PDLIM5: variants seen among roughly 807,000 people sequenced by gnomAD.
The protein encoded by PDLIM5 is PDZ and LIM domain 5.
Under a neutral mutation model 64.2 loss-of-function variants are expected in PDLIM5, and 34 were observed. The observed-to-expected ratio is 0.53, with a 90% CI of 0.40 to 0.71. The LOEUF (loss-of-function observed/expected upper bound fraction) is 0.71. PDLIM5 is among the 30% of genes least tolerant of loss of function. The probability of loss-of-function intolerance (pLI) is 0.00; values close to 1 mark genes in which losing one functional copy is unlikely to be tolerated. For synonymous variants in PDLIM5, 253 were observed against 269.1 expected, an observed-to-expected ratio of 0.94 and a Z score of 0.59; for missense variants, 683 against 733.6, an observed-to-expected ratio of 0.93 and a Z score of 0.80.
chr4:94,518,942 CCAA>C (rs1301896810), intron 2 of PDLIM5, among the ~76,000 whole-genome samples: 1 of 152,128 alleles, frequency 6.6e-6, no homozygotes, highest in African/African-American at 2.4e-5. Context: ...GGCTTCTTCA[CCAA>C]CATCGCTTTA....
chr4:94,657,707 AT>A (rs796503851), intron 11 of PDLIM5, among the ~76,000 whole-genome samples, 160 bp downstream of exon 11: 48 of 149,034 alleles, frequency 3.2e-4, no homozygotes, highest in South Asian at 6.4e-4. Context: ...AACTATGTAG[AT>A]TTTTTTTTTT....
At chr4:94,590,168 G>T (rs1736568427) in intron 7 of PDLIM5, among the ~76,000 whole-genome samples, 1 of 152,144 alleles carries the variant, frequency 6.6e-6, no homozygotes, top group African/African-American at 2.4e-5. Context: ...TACAGTATTT[G>T]TGGAAAACAA....
intron 2 of PDLIM5, among the ~76,000 whole-genome samples, chr4:94,507,664 C>G (rs1474456712): frequency 6.6e-6 from 1 of 152,178 alleles, no homozygotes; most frequent in African/African-American, 2.4e-5. Flanking sequence ...TTGGTGTACA[C>G]AAGGAAAGCC....
At chr4:94,541,199 C>T (rs1214088974) in intron 3 of PDLIM5, among the ~76,000 whole-genome samples, 1 of 152,180 alleles carries the variant, frequency 6.6e-6, no homozygotes, top group Non-Finnish European at 1.5e-5. Flanking sequence ...ACATACACCA[C>T]TTCCCAATTT....
At chr4:94,532,518 G>T (rs1730974311) in intron 3 of PDLIM5, among the ~76,000 whole-genome samples, 1 of 152,112 alleles carries the variant, frequency 6.6e-6, no homozygotes, top group African/African-American at 2.4e-5. Flanking sequence ...TTACTAACAG[G>T]CTTCAGTTAT....
At chr4:94,562,860 C>A (rs934762087) in intron 3 of PDLIM5, among the ~76,000 whole-genome samples, 4 of 152,026 alleles carry the variant, frequency 2.6e-5, no homozygotes, top group African/African-American at 7.2e-5. Flanking sequence ...GAAAAGGTAT[C>A]AGAAGAAGAA....
At chr4:94,476,963 T>C (rs928655070) in intron 2 of PDLIM5, among the ~76,000 whole-genome samples, 1 of 152,216 alleles carries the variant, frequency 6.6e-6, no homozygotes, top group African/African-American at 2.4e-5. Context: ...GACTGTGCAA[T>C]TATAAATATA....
chr4:94,631,111 C>T (rs1740116472), intron 8 of PDLIM5, among the ~76,000 whole-genome samples: 1 of 150,852 alleles, frequency 6.6e-6, no homozygotes, highest in Non-Finnish European at 1.5e-5. Context: ...CTGTGTTGCC[C>T]AGGCTGGTCT....
chr4:94,526,967 T>G (rs1283037111), intron 3 of PDLIM5, among the ~76,000 whole-genome samples: 1 of 149,922 alleles, frequency 6.7e-6, no homozygotes, highest in African/African-American at 2.5e-5. Flanking sequence ...GCTCCTGACC[T>G]CAAGTGATCC....
intron 9 of PDLIM5, among the ~76,000 whole-genome samples, chr4:94,644,912 T>C (rs997392750): frequency 1.7e-5 from 1 of 57,650 alleles, no homozygotes; most frequent in African/African-American, 4.4e-5. Flanking sequence ...ATATTATTCT[T>C]TTTTTTTTAA....
At chr4:94,517,010 G>A (rs1262503742) in intron 2 of PDLIM5, among the ~76,000 whole-genome samples, 1 of 152,136 alleles carries the variant, frequency 6.6e-6, no homozygotes, top group Non-Finnish European at 1.5e-5. Flanking sequence ...AGATTAATAA[G>A]CACTAGGATG....
At chr4:94,541,999 C>T (rs565603003) in intron 3 of PDLIM5, among the ~76,000 whole-genome samples, 3 of 152,134 alleles carry the variant, frequency 2.0e-5, no homozygotes, top group East Asian at 1.9e-4. Flanking sequence ...TGAATGGAGT[C>T]GGGGAGATGG....
chr4:94,550,225 CTA>C (rs1732692047), intron 3 of PDLIM5, among the ~76,000 whole-genome samples: 2 of 152,076 alleles, frequency 1.3e-5, no homozygotes, highest in Admixed American at 1.3e-4. Context: ...TTCTCTTAAG[CTA>C]TGATTGCATA....
At chr4:94,595,142 C>T (rs77894892) in intron 7 of PDLIM5, among the ~76,000 whole-genome samples, 5,760 of 152,226 alleles carry the variant, frequency 0.038, 375 homozygotes, top group African/African-American at 0.13. Flanking sequence ...GTCACAAGAA[C>T]AGCATGGGAA....
intron 10 of PDLIM5, among the ~76,000 whole-genome samples, chr4:94,655,266 A>G (rs954043608): frequency 2.6e-5 from 4 of 152,138 alleles, no homozygotes; most frequent in Non-Finnish European, 5.9e-5. Context: ...TAATGAATAC[A>G]TGAATTTCTT....
intron 9 of PDLIM5, among the ~76,000 whole-genome samples, chr4:94,645,361 G>T (rs142088451): frequency 0.026 from 3,971 of 152,210 alleles, 159 homozygotes; most frequent in East Asian, 0.15. Context: ...TGTGAATTGT[G>T]CTGCTATAAA....
At chr4:94,600,751 G>A (rs1465306654) in intron 7 of PDLIM5, among the ~76,000 whole-genome samples, 3 of 152,082 alleles carry the variant, frequency 2.0e-5, no homozygotes. Context: ...AGTTACTGAG[G>A]GAGTCATGCT....
intron 2 of PDLIM5, among the ~76,000 whole-genome samples, chr4:94,486,923 A>C (rs1726393618): frequency 6.6e-6 from 1 of 152,154 alleles, no homozygotes; most frequent in Non-Finnish European, 1.5e-5. Context: ...GGATCACTTG[A>C]GCCCAGGAGT....
At chr4:94,663,041 T>G (rs974336618) in intron 12 of PDLIM5, among the ~76,000 whole-genome samples, 3 of 152,216 alleles carry the variant, frequency 2.0e-5, no homozygotes, top group African/African-American at 7.2e-5. Context: ...ATTTGCCTAT[T>G]CATTTGATAT....
Sources: gnomAD v4.1 joint callset for allele counts (sites outside exome capture counted in the v4.1 genomes callset) on GRCh38, gnomAD v4.1.1 for gene constraint, MANE v1.5 for transcripts, NCBI Gene and HGNC (gene_info 2026-07-23, HGNC 2026-07-21) for gene names.